The following PCNT variants were observed in gnomAD, a reference collection of about 807,000 sequenced individuals.
The protein encoded by PCNT is pericentrin.
Under a neutral mutation model 380.4 loss-of-function variants are expected in PCNT, and 319 were observed. The ratio of observed to expected loss-of-function variants is 0.84; its 90% CI spans 0.77 to 0.92. PCNT has a LOEUF of 0.92. Among genes scored for constraint, PCNT ranks in the 40% least tolerant of loss-of-function variants. PCNT has a pLI of 0.00. For synonymous variants in PCNT, 1,845 were observed against 1,735.2 expected, an observed-to-expected ratio of 1.06 and a Z score of -1.57; for missense variants, 4,400 against 4,255.3, an observed-to-expected ratio of 1.03 and a Z score of -0.95.
chr21:46,398,266 G>C lies in PCNT; in HGVS notation c.4584+11G>C, dbSNP rs752879780. 5.2e-5 allele frequency: 83 copies of C among 1,601,768 alleles called. No individual in the cohort carries two copies. The highest frequency in any genetic ancestry group is 1.0e-4 in the Admixed American group (6 of 58,556). On this transcript the variant is annotated intron_variant, in intron 24 of 46. Coordinates refer to ENST00000359568, the MANE Select transcript of PCNT (RefSeq NM_006031.6). Reference sequence around the variant, plus strand: ...CCGCTGGATGGAGAGGTGAGGAGGCGTCAACGAGATGGGCACTCCCTGCGC... The same window carrying C: ...CCGCTGGATGGAGAGGTGAGGAGGCCTCAACGAGATGGGCACTCCCTGCGC...
At chr21:46,387,891 G>A (rs959395146) in intron 17 of PCNT, among the ~76,000 whole-genome samples, 2 of 152,096 alleles carry the variant, frequency 1.3e-5, no homozygotes, top group Non-Finnish European at 1.5e-5. Context: ...GGGGCCTGTG[G>A]CCTCGGGAGC....
At chr21:46,333,071 C>T (rs989042815) in intron 2 of PCNT, among the ~76,000 whole-genome samples, 1 of 152,106 alleles carries the variant, frequency 6.6e-6, no homozygotes, top group African/African-American at 2.4e-5. Context: ...TGGGATTGCA[C>T]CACTGCACGC....
intron 15 of PCNT, among the ~76,000 whole-genome samples, chr21:46,380,978 A>G (rs2085510968): frequency 6.6e-6 from 1 of 152,130 alleles, no homozygotes; most frequent in Non-Finnish European, 1.5e-5. Context: ...TAGCCTGGCC[A>G]ACAGGTTTTG....
At chr21:46,348,898 T>G in intron 6 of PCNT, 114 bp from the exon 7 acceptor site, 1 of 734,548 alleles carries the variant, frequency 1.4e-6, no homozygotes, top group Non-Finnish European at 2.4e-6. Flanking sequence ...AGTGCTGGGA[T>G]TAGAGGCATG....
intron 21 of PCNT, chr21:46,394,557 G>A (rs2086145075): frequency 1.0e-6 from 1 of 982,982 alleles, no homozygotes; most frequent in African/African-American, 1.7e-5. Flanking sequence ...ACAAACGATT[G>A]ATTTGTGTGT....
Position 46,411,482 on chromosome 21 carries a change from C to T in PCNT, c.5409C>T (p.Ser1803=), listed in dbSNP as rs1386858499. The change falls in exon 28 of 47, where the codon AGC becomes AGT. Residue 1803 remains serine, a synonymous_variant. Transcript: ENST00000359568. The part of the protein sequence containing the change: ...EAALEAKEAL[S]RLLADQERRH... ...CGCTGGAAGCCAAGGAGGCCCTGAG[C>T]CGGCTGCTGGCTGACCAGGAGCGCA... 3.1e-6 allele frequency: 5 copies of T among 1,609,236 alleles called. No individual in the cohort carries two copies. In the Admixed American group the frequency reaches 6.7e-5, roughly 22 times the overall value.
At chr21:46,350,898 T>G (rs2084242714) in intron 8 of PCNT, among the ~76,000 whole-genome samples, 1 of 152,220 alleles carries the variant, frequency 6.6e-6, no homozygotes. Context: ...GGTGCAGCGT[T>G]GCCCAGGAGG....
At chr21:46,445,165 CAT>C (rs2053721531) in intron 46 of PCNT, 117 bp from the exon 47 acceptor site, 2 of 791,164 alleles carry the variant, frequency 2.5e-6, no homozygotes, top group Admixed American at 1.8e-5. Context: ...CTGTATAATT[CAT>C]ATTTTTACCA....
intron 31 of PCNT, 69 bp from the exon 32 acceptor site, chr21:46,421,901 C>G: frequency 6.4e-7 from 1 of 1,573,610 alleles, no homozygotes. Flanking sequence ...TGTCCTGCCT[C>G]TGCAGTGCGT....
intron 15 of PCNT, among the ~76,000 whole-genome samples, chr21:46,371,213 TC>T (rs1222732710): frequency 3.1e-5 from 4 of 127,634 alleles, no homozygotes; most frequent in Admixed American, 7.6e-5. Flanking sequence ...TTTCTTTCTT[TC>T]TTTTTTTTTT....
At chr21:46,331,936 G>A (rs1412038548) in intron 2 of PCNT, among the ~76,000 whole-genome samples, 1 of 152,198 alleles carries the variant, frequency 6.6e-6, no homozygotes, top group African/African-American at 2.4e-5. Context: ...AAGGCAGGAA[G>A]ATCACCTGAG....
intron 15 of PCNT, among the ~76,000 whole-genome samples, chr21:46,372,332 T>C (rs1051931582): frequency 3.3e-5 from 5 of 151,216 alleles, no homozygotes; most frequent in African/African-American, 1.2e-4. Flanking sequence ...ACACAACACG[T>C]GCACACACAT....
At chr21:46,345,459 C>T (rs2084035170) in intron 3 of PCNT, among the ~76,000 whole-genome samples, 1 of 152,200 alleles carries the variant, frequency 6.6e-6, no homozygotes, top group Admixed American at 6.5e-5. Context: ...CTCAGGTAAT[C>T]TGCCTGCCTC....
At position 46,442,532 on chromosome 21, in the gene PCNT, A is replaced by C; in HGVS notation, c.9659A>C (p.Asp3220Ala). ...RFLVKKWQEV[D>A]RKGALAQGKA... Reference sequence around the variant, plus strand: ...TTGGTTAAGAAATGGCAAGAAGTAGATCGGAAAGGAGCTCTGGCACAAGGC... The same window carrying C: ...TTGGTTAAGAAATGGCAAGAAGTAGCTCGGAAAGGAGCTCTGGCACAAGGC... Residue 3220 changes from aspartate (D) to alanine (A), a missense_variant, in exon 44 of 47, where the codon GAT becomes GCT. Coordinates refer to ENST00000359568, the MANE Select transcript of PCNT (RefSeq NM_006031.6). 1 of 1,612,872 alleles carries C rather than the reference A, an allele frequency of 6.2e-7. No individual in the cohort carries two copies. Among genetic ancestry groups the C allele is most frequent in the Non-Finnish European group, 8.5e-7 (1 of 1,179,014 alleles).
chr21:46,439,233 AAG>A (rs1316050621), intron 41 of PCNT, among the ~76,000 whole-genome samples: 1 of 152,110 alleles, frequency 6.6e-6, no homozygotes, highest in African/African-American at 2.4e-5. Context: ...CCCCCCCAAA[AAG>A]AGCAGCAGGC....
rs2087779029 is a variant in PCNT at position 46,431,879 on chromosome 21, A to G, written c.8415A>G (p.Gln2805=). The G allele has an allele frequency of 1.2e-6, 2 of 1,613,970 alleles. No homozygotes were observed. The highest frequency in any genetic ancestry group is 1.3e-5 in the African/African-American group (1 of 74,952). Residue 2805 remains glutamine, a synonymous_variant, in exon 38 of 47, where the codon CAA becomes CAG. Coordinates refer to ENST00000359568, the MANE Select transcript of PCNT (RefSeq NM_006031.6). The part of the protein sequence containing the change: ...KEEKSRVVDL[Q]AMLEKVQQQA... ...AGAAGTCCCGGGTGGTGGACTTGCA[A>G]GCGATGCTTGAAAAGGTGCAGCAGC...
chr21:46,411,904 A>G lies in PCNT; in HGVS notation c.5831A>G (p.Gln1944Arg). 1 of 1,584,456 alleles carries G rather than the reference A, an allele frequency of 6.3e-7. No individual in the cohort carries two copies. The highest frequency in any genetic ancestry group is 8.5e-7 in the Non-Finnish European group (1 of 1,173,158). ...CTGCACCAGCGGTTCCTGAGGTGCC[A>G]GGTGGAGCTGGACAGGCGGCAGGCC... ...QVLHQRFLRC[Q>R]VELDRRQARR... The change falls in exon 28 of 47, where the codon CAG becomes CGG. Residue 1944 changes from glutamine (Q) to arginine (R), a missense_variant. Physicochemically the swap from Gln to Arg is conservative, Grantham distance 43 (BLOSUM62 1). Coordinates refer to ENST00000359568, the MANE Select transcript of PCNT (RefSeq NM_006031.6).
chr21:46,365,985 G>GTCACTGCCGTGGGGTTCTGT (rs1009625085), intron 14 of PCNT, among the ~76,000 whole-genome samples: 2 of 100,956 alleles, frequency 2.0e-5, no homozygotes, highest in South Asian at 6.5e-4. Flanking sequence ...TGGGGTTCTA[G>GTCACTGCCGTGGGGTTCTGT]TCACTGCCGT....
intron 2 of PCNT, among the ~76,000 whole-genome samples, chr21:46,326,969 C>T (rs963829020): frequency 6.6e-5 from 10 of 150,602 alleles, no homozygotes; most frequent in Non-Finnish European, 1.3e-4. Flanking sequence ...GCCGAGATCA[C>T]GCCAATGCAC....
Sources: gnomAD v4.1 joint callset for allele counts (sites outside exome capture counted in the v4.1 genomes callset) on GRCh38, gnomAD v4.1.1 for gene constraint, MANE v1.5 for transcripts, NCBI Gene and HGNC (gene_info 2026-07-23, HGNC 2026-07-21) for gene names.